MSANTD7: variants seen among roughly 807,000 people sequenced by gnomAD.
MSANTD7 encodes Myb/SANT DNA binding domain containing 7.
the MSANTD7 span, chr10:14,843,620 G>A: frequency 1.2e-5 from 18 of 1,550,560 alleles, no homozygotes; most frequent in Non-Finnish European, 1.5e-5. Context: ...TGGGCAAGGC[G>A]AAGAAGGCGG....
At chr10:14,844,229 C>T in the MSANTD7 span, 6 of 1,099,696 alleles carry the variant, frequency 5.5e-6, no homozygotes, top group Non-Finnish European at 6.9e-6. Flanking sequence ...AACTCCTGCC[C>T]TGCCTACCTC....
At chr10:14,841,451 A>G in the MSANTD7 span, among the ~76,000 whole-genome samples, 6 of 152,330 alleles carry the variant, frequency 3.9e-5, no homozygotes, top group South Asian at 2.1e-4. Flanking sequence ...GAAATAATAC[A>G]GAGACATCAA....
the MSANTD7 span, chr10:14,843,379 C>T: frequency 6.4e-7 from 1 of 1,550,836 alleles, no homozygotes; most frequent in South Asian, 1.2e-5. Context: ...AGGGTGCTCT[C>T]AAGGGACCCC....
chr10:14,846,223 ATAGGTAGG>A, the MSANTD7 span: 34 of 985,188 alleles, frequency 3.5e-5, no homozygotes, highest in South Asian at 8.5e-4. Flanking sequence ...TGTGTCAATT[ATAGGTAGG>A]TAGGTAGGTA....
the MSANTD7 span, chr10:14,838,424 C>T: frequency 6.2e-7 from 1 of 1,606,542 alleles, no homozygotes; most frequent in Non-Finnish European, 8.5e-7. Context: ...CGGAGTTCAC[C>T]TGGGCTGCAC....
At chr10:14,846,117 T>C in the MSANTD7 span, 7 of 982,782 alleles carry the variant, frequency 7.1e-6, no homozygotes, top group South Asian at 4.7e-5. Context: ...ACCAGACATA[T>C]AGACTCTTTA....
At chr10:14,841,968 T>G in the MSANTD7 span, 2 of 441,442 alleles carry the variant, frequency 4.5e-6, no homozygotes, top group Admixed American at 3.2e-5. Context: ...ACCAAGCCAT[T>G]AGGTTCTTGG....
the MSANTD7 span, chr10:14,845,492 C>G: frequency 1.0e-6 from 1 of 984,942 alleles, no homozygotes; most frequent in Non-Finnish European, 1.2e-6. Context: ...AGGTGTGAGG[C>G]GGCTGGTGTG....
At chr10:14,846,996 T>C in the MSANTD7 span, 1 of 985,494 alleles carries the variant, frequency 1.0e-6, no homozygotes, top group African/African-American at 1.7e-5. Context: ...TTCACTTGTA[T>C]GTAGTTGTGG....
At chr10:14,846,015 C>T in the MSANTD7 span, 3 of 932,856 alleles carry the variant, frequency 3.2e-6, no homozygotes, top group Non-Finnish European at 3.8e-6. Flanking sequence ...GTCACAGCAG[C>T]ATATGTATAT....
the MSANTD7 span, chr10:14,840,172 G>A: frequency 7.9e-7 from 1 of 1,264,118 alleles, no homozygotes; most frequent in Non-Finnish European, 1.1e-6. Context: ...GGAATCAAAT[G>A]ATACTTTTAA....
the MSANTD7 span, chr10:14,846,617 C>T: frequency 3.1e-4 from 300 of 956,294 alleles, 1 homozygote; most frequent in Non-Finnish European, 3.6e-4. Flanking sequence ...TTCCATAACT[C>T]AGGTTCCTCA....
the MSANTD7 span, chr10:14,838,509 T>C: frequency 6.5e-7 from 1 of 1,528,100 alleles, no homozygotes. Context: ...CACCCGGTTT[T>C]CTGGCGCTGG....
chr10:14,842,212 A>C, the MSANTD7 span: 1 of 1,535,528 alleles, frequency 6.5e-7, no homozygotes, highest in Non-Finnish European at 8.7e-7. This position sits in a 1 kb window ranked among gnomAD's most constrained non-coding sequence, Gnocchi z 5.2. Context: ...CTGAGAGCAC[A>C]CAGAGCTTCC....
the MSANTD7 span, chr10:14,839,878 C>CT: frequency 6.4e-7 from 1 of 1,571,744 alleles, no homozygotes; most frequent in Non-Finnish European, 8.7e-7. Flanking sequence ...TCTAATGAGA[C>CT]TATGTATTTC....
At chr10:14,843,281 G>GT in the MSANTD7 span, 2 of 1,485,474 alleles carry the variant, frequency 1.3e-6, no homozygotes, top group Non-Finnish European at 1.8e-6. Context: ...AACAACCATA[G>GT]TTTTATAATT....
the MSANTD7 span, chr10:14,842,464 T>A: frequency 6.5e-7 from 1 of 1,536,150 alleles, no homozygotes; most frequent in Non-Finnish European, 8.7e-7. This position sits in a 1 kb window ranked among gnomAD's most constrained non-coding sequence, Gnocchi z 5.2. Flanking sequence ...GCACCGAACG[T>A]CAGTGCCGCT....
chr10:14,844,972 G>A, the MSANTD7 span: 5 of 985,354 alleles, frequency 5.1e-6, no homozygotes, highest in Non-Finnish European at 6.0e-6. Flanking sequence ...GTTGTAGACA[G>A]AAGTTTATGT....
At chr10:14,838,916 G>T in the MSANTD7 span, among the ~76,000 whole-genome samples, 1 of 152,182 alleles carries the variant, frequency 6.6e-6, no homozygotes, top group African/African-American at 2.4e-5. Flanking sequence ...CCCGCGGGTG[G>T]GAGGTCCTGG....
Sources: allele counts gnomAD v4.1 joint callset (sites outside exome capture counted in the v4.1 genomes callset), GRCh38; gene constraint gnomAD v4.1.1; non-coding constraint Gnocchi (gnomAD v3.1); transcripts MANE v1.5; gene names NCBI Gene and HGNC (gene_info 2026-07-23, HGNC 2026-07-21).